The following VWA8 variants were observed in gnomAD, a reference collection of about 807,000 sequenced individuals.
VWA8 encodes von Willebrand factor A domain containing 8.
Under a neutral mutation model 241.5 loss-of-function variants are expected in VWA8, and 221 were observed. The ratio of observed to expected loss-of-function variants is 0.91; its 90% CI spans 0.82 to 1.02. The LOEUF is 1.02. Ranked by LOEUF, VWA8 falls within the 50% of genes least tolerant of loss-of-function variation. VWA8 has a pLI of 0.00. For missense variants in VWA8, 2,322 were observed against 2,328.7 expected, an observed-to-expected ratio of 1.00 and a Z score of 0.06; for synonymous variants, 852 against 827.1, an observed-to-expected ratio of 1.03 and a Z score of -0.52.
Position 41,568,169 on chromosome 13 carries a change from G to C in VWA8, c.*28C>G. 6.6e-7 allele frequency: 1 copy of C among 1,520,492 alleles called. No homozygotes were observed. The highest frequency in any genetic ancestry group is 9.1e-7 in the Non-Finnish European group (1 of 1,096,264). The allele number at this position is 1,520,492 out of a possible 1,614,324, so 94.2% of individuals were successfully genotyped here. ...TATTCCTGTCTTATTTCAAATCCTG[G>C]TGTCATCAGGGTGATGAAGGGCACT... On this transcript the variant is annotated 3_prime_UTR_variant, in exon 45 of 45. Transcript: ENST00000379310.
In VWA8 at chr13:41,689,496, C is replaced by G; in HGVS notation, c.3989G>C (p.Ser1330Thr). The G allele has an allele frequency of 1.2e-6, 2 of 1,606,834 alleles. No individual in the cohort carries two copies. The highest frequency in any genetic ancestry group is 1.7e-6 in the Non-Finnish European group (2 of 1,177,242). Reference sequence around the variant, plus strand: ...ATCACTGGAAATTTTATGAGGTATGCTGAACTCTGTTTCTGAAAAGTACAA... The same window carrying G: ...ATCACTGGAAATTTTATGAGGTATGGTGAACTCTGTTTCTGAAAAGTACAA... ...GFGVTQETEFSIPHKISSDQL... is the reference protein window; with the variant it reads ...GFGVTQETEFTIPHKISSDQL... Residue 1330 changes from serine (S) to threonine (T), a missense_variant, in exon 34 of 45, where the codon AGC (serine) becomes ACC (threonine). Ser to Thr is a moderately conservative substitution (Grantham distance 58). Transcript: ENST00000379310.
At chr13:41,570,378 C>T in intron 44 of VWA8, 90 bp downstream of exon 44, 8 of 1,176,366 alleles carry the variant, frequency 6.8e-6, no homozygotes, top group Middle Eastern at 2.4e-4. Flanking sequence ...GCCTCACTGT[C>T]CCTCATGGTG....
intron 42 of VWA8, among the ~76,000 whole-genome samples, chr13:41,584,674 A>G (rs1391946439): frequency 6.6e-6 from 1 of 152,180 alleles, no homozygotes; most frequent in Non-Finnish European, 1.5e-5. Context: ...ATGGCATAAA[A>G]AATGTCTTCA....
At chr13:41,724,465 G>A (rs2045416461) in intron 24 of VWA8, among the ~76,000 whole-genome samples, 1 of 152,014 alleles carries the variant, frequency 6.6e-6, no homozygotes. Context: ...GAGAGGGAGG[G>A]CAGAACAGCT....
chr13:41,785,114 G>C (rs1869125210), intron 18 of VWA8, among the ~76,000 whole-genome samples: 1 of 151,916 alleles, frequency 6.6e-6, no homozygotes, highest in Non-Finnish European at 1.5e-5. Context: ...ATTAATAGTA[G>C]TAGGTATTTT....
intron 1 of VWA8, among the ~76,000 whole-genome samples, chr13:41,957,548 G>C (rs1264666799): frequency 6.6e-6 from 1 of 152,164 alleles, no homozygotes; most frequent in Non-Finnish European, 1.5e-5. Context: ...GGAGGTTGCA[G>C]TAAGCCAAGA....
At chr13:41,931,525 C>A (rs1877119931) in intron 2 of VWA8, among the ~76,000 whole-genome samples, 1 of 151,936 alleles carries the variant, frequency 6.6e-6, no homozygotes, top group Non-Finnish European at 1.5e-5. Context: ...TAAAACTGTA[C>A]TGTGAAATTG....
intron 37 of VWA8, among the ~76,000 whole-genome samples, chr13:41,640,252 G>T (rs1336319122): frequency 2.0e-5 from 3 of 152,180 alleles, no homozygotes; most frequent in African/African-American, 4.8e-5. Flanking sequence ...TCCAGGCTTA[G>T]GGAATGCCCA....
intron 36 of VWA8, among the ~76,000 whole-genome samples, chr13:41,674,365 A>G (rs2045045727): frequency 6.6e-6 from 1 of 152,156 alleles, no homozygotes; most frequent in Non-Finnish European, 1.5e-5. Flanking sequence ...TAGAGCTTCT[A>G]GCCAAGACTT....
rs557623868 is a variant in VWA8 at position 41,670,208 on chromosome 13, G to C, written c.4611+738C>G. 2.0e-5 allele frequency among the ~76,000 whole-genome samples: 3 copies of C among 152,102 alleles called. No homozygotes were observed. The South Asian group carries it at 6.2e-4, about 32-fold the overall frequency. On this transcript the variant is annotated intron_variant, in intron 37 of 44. Coordinates refer to ENST00000379310, the MANE Select transcript of VWA8 (RefSeq NM_015058.2). ...TTGGATAAGAAAGTAACGTGAACAG[G>C]AGAAGTTTTGTTCCAAAGATTAAAA...
intron 12 of VWA8, among the ~76,000 whole-genome samples, chr13:41,864,984 C>T (rs1219708509): frequency 9.7e-6 from 1 of 102,988 alleles, no homozygotes; most frequent in African/African-American, 4.0e-5. Flanking sequence ...AGTGAAACTC[C>T]ATCTCAAAAA....
chr13:41,948,795 G>A lies in VWA8; in HGVS notation c.241+1141C>T, dbSNP rs1021315022. Among the ~76,000 whole-genome samples the A allele has an allele frequency of 2.0e-5, 3 of 152,008 alleles. 1 individual carries two copies. The South Asian group carries it at 6.2e-4, about 32-fold the overall frequency. On this transcript the variant is annotated intron_variant, in intron 2 of 44. Coordinates refer to ENST00000379310, the MANE Select transcript of VWA8 (RefSeq NM_015058.2). ...AATTGTACAGGAATGTTCACAGCAG[G>A]CTTCAAATGAAAGCCATCCAAATGT...
chr13:41,673,766 T>C (rs1026815871), intron 36 of VWA8, among the ~76,000 whole-genome samples: 3 of 152,204 alleles, frequency 2.0e-5, no homozygotes, highest in Admixed American at 6.5e-5. Context: ...TATATTTCCA[T>C]TGGACAGTGC....
chr13:41,833,699 CT>C (rs940780614), intron 12 of VWA8, among the ~76,000 whole-genome samples, 168 bp from the exon 13 acceptor site: 1 of 151,874 alleles, frequency 6.6e-6, no homozygotes, highest in Admixed American at 6.5e-5. Flanking sequence ...CTTCAGAAAG[CT>C]TTTTTTTGGT....
chr13:41,952,586 T>C (rs886943315), intron 1 of VWA8, among the ~76,000 whole-genome samples: 1 of 152,166 alleles, frequency 6.6e-6, no homozygotes, highest in African/African-American at 2.4e-5. Flanking sequence ...AAAATGATAC[T>C]GAGTAATTAA....
intron 21 of VWA8, among the ~76,000 whole-genome samples, chr13:41,745,997 T>C (rs939405378): frequency 2.6e-5 from 4 of 152,104 alleles, no homozygotes; most frequent in African/African-American, 9.7e-5. Flanking sequence ...ATAACCTAAA[T>C]TTATAATAGT....
chr13:41,602,928 C>T (rs557431902), intron 40 of VWA8, among the ~76,000 whole-genome samples: 8 of 152,266 alleles, frequency 5.3e-5, no homozygotes, highest in African/African-American at 1.9e-4. Context: ...GGAAGTTCTA[C>T]ATCTATTTTA....
intron 27 of VWA8, among the ~76,000 whole-genome samples, chr13:41,702,490 C>G (rs575229051): frequency 4.6e-5 from 7 of 152,326 alleles, no homozygotes; most frequent in Admixed American, 4.6e-4. Context: ...GTTGGATTAC[C>G]ACATGTCTGG....
intron 26 of VWA8, 42 bp from the exon 27 acceptor site, chr13:41,703,453 C>T (rs1418463717): frequency 6.4e-7 from 1 of 1,569,836 alleles, no homozygotes; most frequent in Non-Finnish European, 8.7e-7. Flanking sequence ...CTTATTGTAC[C>T]CAAGTCATAG....
Sources: allele counts gnomAD v4.1 joint callset (sites outside exome capture counted in the v4.1 genomes callset), GRCh38; gene constraint gnomAD v4.1.1; transcripts MANE v1.5; gene names NCBI Gene and HGNC (gene_info 2026-07-23, HGNC 2026-07-21).